Variants in TEAD1 observed in about 807,000 individuals in gnomAD.
The protein encoded by TEAD1 is TEA domain transcription factor 1, also known as transcriptional enhancer factor TEF-1.
TEAD1 carries 9 observed loss-of-function variants against 54.9 expected under a neutral mutation model. That is an observed-to-expected ratio of 0.16 (90% CI 0.10 to 0.29). The LOEUF is 0.29. Ranked by LOEUF, TEAD1 falls within the 10% of genes least tolerant of loss-of-function variation. TEAD1 has a pLI of 1.00. For missense variants in TEAD1, 387 were observed against 535.9 expected (o/e 0.72, Z 2.74); for synonymous variants, 200 against 187.8 (o/e 1.07, Z -0.53).
intron 5 of TEAD1, among the ~76,000 whole-genome samples, chr11:12,866,369 A>C (rs1816190411): frequency 1.3e-5 from 2 of 152,182 alleles, no homozygotes; most frequent in Non-Finnish European, 2.9e-5. Flanking sequence ...CTGTGGACTC[A>C]CCAGGGCACA....
intron 3 of TEAD1, among the ~76,000 whole-genome samples, chr11:12,835,369 G>A (rs1946865461): frequency 6.6e-6 from 1 of 152,036 alleles, no homozygotes; most frequent in African/African-American, 2.4e-5. Context: ...TTGAGAAGGA[G>A]TGTTGCTCCG....
chr11:12,866,619 C>T, intron 5 of TEAD1, among the ~76,000 whole-genome samples: 1 of 152,304 alleles, frequency 6.6e-6, no homozygotes, highest in East Asian at 1.9e-4. Flanking sequence ...GACTTTCAGC[C>T]CTGGGCCACT....
intron 3 of TEAD1, among the ~76,000 whole-genome samples, chr11:12,825,507 C>T (rs1320028907): frequency 6.6e-6 from 1 of 152,132 alleles, no homozygotes; most frequent in Non-Finnish European, 1.5e-5. Flanking sequence ...AAAATCAGTG[C>T]AAGACTAGTT....
intron 3 of TEAD1, among the ~76,000 whole-genome samples, chr11:12,856,728 C>G (rs2134059661): frequency 6.6e-6 from 1 of 152,218 alleles, no homozygotes; most frequent in African/African-American, 2.4e-5. Flanking sequence ...CACATCCTTC[C>G]CAGTGAAGGG....
At chr11:12,869,176 AT>A (rs1947687218) in intron 5 of TEAD1, among the ~76,000 whole-genome samples, 1 of 152,200 alleles carries the variant, frequency 6.6e-6, no homozygotes, top group Admixed American at 6.5e-5. Flanking sequence ...CATGGGGTTC[AT>A]TCAAATTTAC....
chr11:12,763,201 T>C (rs532943175), intron 2 of TEAD1, among the ~76,000 whole-genome samples: 48 of 152,388 alleles, frequency 3.1e-4, no homozygotes, highest in Middle Eastern at 3.4e-3. Context: ...ATAGGTTATA[T>C]ACATAATTTA....
At chr11:12,815,761 AG>A (rs1946402479) in intron 3 of TEAD1, among the ~76,000 whole-genome samples, 1 of 152,242 alleles carries the variant, frequency 6.6e-6, no homozygotes, top group African/African-American at 2.4e-5. Flanking sequence ...ATGGGGCCAA[AG>A]GACAAATTTT....
At chr11:12,820,710 C>T (rs1299548498) in intron 3 of TEAD1, among the ~76,000 whole-genome samples, 1 of 151,558 alleles carries the variant, frequency 6.6e-6, no homozygotes, top group African/African-American at 2.4e-5. Flanking sequence ...GAAGGGAACC[C>T]GGACAAAGAA....
At chr11:12,710,318 T>C (rs1943908960) in intron 2 of TEAD1, among the ~76,000 whole-genome samples, 3 of 152,126 alleles carry the variant, frequency 2.0e-5, no homozygotes, top group Admixed American at 6.5e-5. Flanking sequence ...AGTGGGACCC[T>C]GTCTCAAAAT....
intron 3 of TEAD1, among the ~76,000 whole-genome samples, chr11:12,840,130 C>T (rs1946994516): frequency 6.6e-6 from 1 of 151,650 alleles, no homozygotes; most frequent in Non-Finnish European, 1.5e-5. Context: ...GCCTGTAGTC[C>T]CAGCTACTTG....
chr11:12,693,273 A>G (rs1943502551), intron 2 of TEAD1, among the ~76,000 whole-genome samples: 2 of 152,242 alleles, frequency 1.3e-5, no homozygotes, highest in Non-Finnish European at 2.9e-5. Flanking sequence ...CAGTCAGCAC[A>G]TGGGTGGAAA....
At chr11:12,870,401 G>A (rs1947719578) in intron 5 of TEAD1, among the ~76,000 whole-genome samples, 1 of 151,960 alleles carries the variant, frequency 6.6e-6, no homozygotes, top group African/African-American at 2.4e-5. Context: ...ACCAGGAGCA[G>A]AGAAGCTGGG....
At chr11:12,732,336 TATTA>T (rs1944441152) in intron 2 of TEAD1, among the ~76,000 whole-genome samples, 1 of 152,260 alleles carries the variant, frequency 6.6e-6, no homozygotes, top group Non-Finnish European at 1.5e-5. Flanking sequence ...GACCATATCC[TATTA>T]ATTCTCCTTA....
chr11:12,883,020 C>G lies in TEAD1; in HGVS notation c.594C>G (p.Ala198=). ...TTTCAGGGTTTGAGCCTGCATCGGC[C>G]CCAGCTCCCTCAGTCCCTGCCTGGC... Residue 198 remains alanine (A), a synonymous_variant, in exon 9 of 13, where the codon GCC becomes GCG. Coordinates refer to ENST00000527636, the MANE Select transcript of TEAD1 (RefSeq NM_021961.6). 6.2e-7 allele frequency: 1 copy of G among 1,614,140 alleles called. No individual in the cohort carries two copies. The highest frequency in any genetic ancestry group is 8.5e-7 in the Non-Finnish European group (1 of 1,180,024).
At chr11:12,776,387 G>A (rs1303903378) in intron 3 of TEAD1, among the ~76,000 whole-genome samples, 1 of 152,172 alleles carries the variant, frequency 6.6e-6, no homozygotes. Context: ...GCTTGTACAT[G>A]AGAGTAGACG....
chr11:12,715,647 G>A (rs1944043791), intron 2 of TEAD1, among the ~76,000 whole-genome samples: 1 of 152,076 alleles, frequency 6.6e-6, no homozygotes, highest in South Asian at 2.1e-4. Context: ...TGCCAGAAGG[G>A]GTTGGGATCA....
chr11:12,775,228 G>A (rs1257803085), intron 3 of TEAD1, among the ~76,000 whole-genome samples: 1 of 152,140 alleles, frequency 6.6e-6, no homozygotes, highest in Non-Finnish European at 1.5e-5. Flanking sequence ...AAGAACAGGG[G>A]GACGGGGAGC....
intron 3 of TEAD1, among the ~76,000 whole-genome samples, chr11:12,765,632 C>G (rs1039425266): frequency 3.3e-5 from 5 of 152,122 alleles, no homozygotes; most frequent in Non-Finnish European, 7.4e-5. Context: ...GTGCCCCCAC[C>G]CCGCCCTCCT....
intron 9 of TEAD1, among the ~76,000 whole-genome samples, chr11:12,894,422 T>A (rs1195396426): frequency 2.0e-5 from 3 of 152,074 alleles, no homozygotes; most frequent in African/African-American, 7.2e-5. Flanking sequence ...GTATTGTCAG[T>A]CCTTTTAAAA....
Sources: gnomAD v4.1 joint callset for allele counts (sites outside exome capture counted in the v4.1 genomes callset) on GRCh38, gnomAD v4.1.1 for gene constraint, MANE v1.5 for transcripts, NCBI Gene and HGNC (gene_info 2026-07-23, HGNC 2026-07-21) for gene names.